C2CD5: variants seen among roughly 807,000 people sequenced by gnomAD.
C2CD5 encodes C2 calcium dependent domain containing 5.
In C2CD5, 109 loss-of-function variants were observed where a neutral mutation model predicts 130.3. The observed-to-expected ratio is 0.84, with a 90% confidence interval of 0.72 to 0.98. The LOEUF (loss-of-function observed/expected upper bound fraction) is 0.98, where lower values mean the gene tolerates loss of function less well. Ranked by LOEUF, C2CD5 falls within the 50% of genes least tolerant of loss-of-function variation. The pLI is 0.00. For synonymous variants in C2CD5, 454 were observed against 429.2 expected (o/e 1.06, Z -0.71); for missense variants, 996 against 1,261.8 (o/e 0.79, Z 3.19).
At chr12:22,488,284 C>T (rs1312782576) in intron 12 of C2CD5, among the ~76,000 whole-genome samples, 1 of 152,022 alleles carries the variant, frequency 6.6e-6, no homozygotes, top group African/African-American at 2.4e-5. Flanking sequence ...CAGCTGACTT[C>T]AAGGCAAGAC....
chr12:22,504,537 A>C (rs1022312686), intron 10 of C2CD5, among the ~76,000 whole-genome samples: 18 of 152,330 alleles, frequency 1.2e-4, no homozygotes, highest in Non-Finnish European at 1.8e-4. Flanking sequence ...TCCTGACCTC[A>C]GATGATCCAC....
intron 19 of C2CD5, among the ~76,000 whole-genome samples, 193 bp from the exon 20 acceptor site, chr12:22,471,681 CAAT>C (rs1242475335): frequency 1.3e-5 from 2 of 151,762 alleles, no homozygotes; most frequent in Non-Finnish European, 2.9e-5. Context: ...ATTTAATCGT[CAAT>C]AAGTCACAAA....
Position 22,449,561 on chromosome 12 carries a change from C to T in C2CD5, c.*199G>A. On this transcript the variant is annotated 3_prime_UTR_variant, in exon 27 of 27. Transcript: ENST00000446597. Reference sequence around the variant, plus strand: ...AACTTACTGAAGGGTCAAGACCCCACAGGGCCTGTCTAGAACAGGCAAACA... The same window carrying T: ...AACTTACTGAAGGGTCAAGACCCCATAGGGCCTGTCTAGAACAGGCAAACA... The T allele has an allele frequency of 2.2e-6, 1 of 449,610 alleles. No individual in the cohort carries two copies. The highest frequency in any genetic ancestry group is 3.0e-5 in the East Asian group (1 of 33,230). 27.9% of individuals were successfully genotyped at this position (449,610 alleles called of 1,614,324 possible). A position where few individuals can be genotyped will look rare whatever the true frequency, so the allele number is the denominator to read the frequency against.
chr12:22,520,881 A>C (rs1591967220), intron 7 of C2CD5, among the ~76,000 whole-genome samples: 2 of 152,242 alleles, frequency 1.3e-5, no homozygotes, highest in East Asian at 3.9e-4. Context: ...ATGTAGGTAA[A>C]ATAAAATGAA....
rs541785826 is a variant in C2CD5, at chr12:22,541,901, G to A, written c.90+2160C>T. Among the ~76,000 whole-genome samples, 17 of 152,098 alleles carry A rather than the reference G, an allele frequency of 1.1e-4. No individual in the cohort carries two copies. The East Asian group carries it at 2.9e-3, about 26-fold the overall frequency. ...GTCTTATTCACCATGTATATACATCGGCTAGACCAGTAACTAGCCCAGAGC... is the reference window on the plus strand; with the variant it reads ...GTCTTATTCACCATGTATATACATCAGCTAGACCAGTAACTAGCCCAGAGC... On this transcript the variant is annotated intron_variant, in intron 2 of 26. Coordinates refer to ENST00000446597, the MANE Select transcript of C2CD5 (RefSeq NM_001286176.2).
intron 3 of C2CD5, among the ~76,000 whole-genome samples, chr12:22,531,324 C>G (rs12312560): frequency 0.16 from 24,272 of 152,018 alleles, 3,882 homozygotes; most frequent in African/African-American, 0.42. Context: ...AATATTTCAC[C>G]ATGAAAATAT....
chr12:22,510,115 G>A (rs761008460), intron 9 of C2CD5, among the ~76,000 whole-genome samples: 64 of 152,230 alleles, frequency 4.2e-4, no homozygotes, highest in Admixed American at 1.0e-3. Context: ...TGAGGCAGGA[G>A]AATTGCTTGA....
At chr12:22,511,489 C>T (rs1949190437) in intron 9 of C2CD5, among the ~76,000 whole-genome samples, 2 of 152,156 alleles carry the variant, frequency 1.3e-5, no homozygotes, top group African/African-American at 4.8e-5. Flanking sequence ...GTAACTGCTA[C>T]TTCGAGGACA....
intron 3 of C2CD5, 124 bp from the exon 4 acceptor site, chr12:22,528,016 C>A (rs957323453): frequency 6.4e-5 from 31 of 487,634 alleles, no homozygotes; most frequent in Middle Eastern, 5.3e-4. Context: ...TTTCTAAGCA[C>A]CAAAGTAAAG....
intron 12 of C2CD5, among the ~76,000 whole-genome samples, chr12:22,489,700 T>C (rs955128480): frequency 6.6e-6 from 1 of 152,188 alleles, no homozygotes; most frequent in Non-Finnish European, 1.5e-5. Context: ...ACAGATAATC[T>C]TGATAAAATG....
chr12:22,531,301 A>G (rs1951252753), intron 3 of C2CD5, among the ~76,000 whole-genome samples: 1 of 152,260 alleles, frequency 6.6e-6, no homozygotes, highest in African/African-American at 2.4e-5. Flanking sequence ...AAAGAAAATG[A>G]GAAGAGAATC....
intron 10 of C2CD5, among the ~76,000 whole-genome samples, chr12:22,500,284 T>C (rs1487432140): frequency 6.6e-6 from 1 of 151,970 alleles, no homozygotes; most frequent in Non-Finnish European, 1.5e-5. Context: ...ACCAAGATAT[T>C]TTGTACTCTG....
chr12:22,477,489 A>T (rs1316032173), intron 15 of C2CD5, among the ~76,000 whole-genome samples: 7 of 152,328 alleles, frequency 4.6e-5, no homozygotes, highest in African/African-American at 1.7e-4. Context: ...AAATAATAAA[A>T]GCAATAATGT....
intron 9 of C2CD5, among the ~76,000 whole-genome samples, chr12:22,508,437 T>C (rs1379252124): frequency 6.6e-6 from 1 of 152,214 alleles, no homozygotes; most frequent in Non-Finnish European, 1.5e-5. Context: ...CATTTAAACT[T>C]CTTTTTCTGT....
At chr12:22,463,570 A>C (rs1020665058) in intron 22 of C2CD5, 3 of 152,170 alleles carry the variant, frequency 2.0e-5, no homozygotes, top group African/African-American at 7.2e-5. Context: ...TTGATATGGG[A>C]CTTCCAACCT....
At chr12:22,473,800 C>T (rs571366247) in intron 16 of C2CD5, among the ~76,000 whole-genome samples, 7 of 152,268 alleles carry the variant, frequency 4.6e-5, no homozygotes, top group Middle Eastern at 3.4e-3. Flanking sequence ...CACAAGTAGG[C>T]ACATCACACT....
chr12:22,511,708 A>G (rs1298863354), intron 9 of C2CD5, among the ~76,000 whole-genome samples: 1 of 152,134 alleles, frequency 6.6e-6, no homozygotes, highest in Non-Finnish European at 1.5e-5. Flanking sequence ...ACTGCTTAAT[A>G]TTTTTTTCCC....
At chr12:22,542,747 T>C (rs890418694) in intron 2 of C2CD5, among the ~76,000 whole-genome samples, 3 of 152,236 alleles carry the variant, frequency 2.0e-5, no homozygotes, top group Non-Finnish European at 4.4e-5. Flanking sequence ...GCAAGCTATG[T>C]AACCTTAAGC....
rs1356072025 is a variant in C2CD5, at chr12:22,474,178, A to G, written c.2043+573T>C. On this transcript the variant is annotated intron_variant, in intron 16 of 26. Transcript: ENST00000446597. ...CCTTCAATATGAAAAAGAAAAATCT[A>G]TCTCTTTGGGAGCTAACCATTCTAC... 3.3e-5 allele frequency among the ~76,000 whole-genome samples: 5 copies of G among 152,278 alleles called. No homozygotes were observed. In the East Asian group the frequency reaches 7.7e-4, roughly 23 times the overall value.
Sources: allele counts gnomAD v4.1 joint callset (sites outside exome capture counted in the v4.1 genomes callset), GRCh38; gene constraint gnomAD v4.1.1; transcripts MANE v1.5; gene names NCBI Gene and HGNC (gene_info 2026-07-23, HGNC 2026-07-21).